SYNDIG1: variants seen among roughly 807,000 people sequenced by gnomAD.
The protein encoded by SYNDIG1 is synapse differentiation inducing 1.
Under a neutral mutation model 19.4 loss-of-function variants are expected in SYNDIG1, and 9 were observed. The ratio of observed to expected loss-of-function variants is 0.46; its 90% CI spans 0.28 to 0.81. The LOEUF (loss-of-function observed/expected upper bound fraction) is 0.81. Among genes scored for constraint, SYNDIG1 ranks in the 30% least tolerant of loss-of-function variants. The pLI, the probability that SYNDIG1 is intolerant of heterozygous loss-of-function variation, is 0.12. For synonymous variants in SYNDIG1, 141 were observed against 145.9 expected (o/e 0.97, Z 0.24); for missense variants, 311 against 343.3 (o/e 0.91, Z 0.74).
intron 1 of SYNDIG1, among the ~76,000 whole-genome samples, chr20:24,484,146 G>A (rs1017223948): frequency 4.6e-5 from 7 of 152,082 alleles, no homozygotes; most frequent in Admixed American, 2.0e-4. Context: ...GCTACCTACT[G>A]CTGCCCAGAT....
chr20:24,497,467 C>A (rs532359105), intron 1 of SYNDIG1, among the ~76,000 whole-genome samples: 1 of 152,342 alleles, frequency 6.6e-6, no homozygotes, highest in African/African-American at 2.4e-5. Flanking sequence ...TCCCAAAGGG[C>A]TGGGATTACA....
chr20:24,547,972 A>G (rs921186491), intron 2 of SYNDIG1, among the ~76,000 whole-genome samples: 5 of 152,176 alleles, frequency 3.3e-5, no homozygotes, highest in Non-Finnish European at 5.9e-5. Flanking sequence ...GACGGTCACC[A>G]CCTAGAAGCG....
rs932274311 is a variant in SYNDIG1 at position 24,665,499 on chromosome 20, C to A, written c.772C>A (p.Leu258Met). Residue 258 changes from leucine (L) to methionine (M), a missense_variant, in exon 4 of 4, where the codon CTG becomes ATG. By Grantham distance (15) the Leu-to-Met change is conservative. Transcript: ENST00000376862. ...LIAYLSKNNH[L>M] Reference sequence around the variant, plus strand: ...CGCCTACCTCTCCAAGAACAACCACCTGTGAGCTTCCTGCGAATGGAGGGG... The same window carrying A: ...CGCCTACCTCTCCAAGAACAACCACATGTGAGCTTCCTGCGAATGGAGGGG... 9 of 1,613,938 alleles carry A rather than the reference C, an allele frequency of 5.6e-6. No homozygotes were observed. In the East Asian group the frequency reaches 8.9e-5, roughly 16 times the overall value.
At chr20:24,568,452 G>A (rs895093615) in intron 2 of SYNDIG1, among the ~76,000 whole-genome samples, 5 of 152,122 alleles carry the variant, frequency 3.3e-5, no homozygotes, top group African/African-American at 7.2e-5. Context: ...TGGTGACCTC[G>A]GGAGGCGTCT....
At chr20:24,501,792 G>A (rs2056460250) in intron 1 of SYNDIG1, among the ~76,000 whole-genome samples, 1 of 152,222 alleles carries the variant, frequency 6.6e-6, no homozygotes, top group Admixed American at 6.5e-5. Flanking sequence ...ACCCACTTGT[G>A]GTGTCTCATC....
At chr20:24,608,968 C>T (rs2036821902) in intron 3 of SYNDIG1, among the ~76,000 whole-genome samples, 1 of 152,188 alleles carries the variant, frequency 6.6e-6, no homozygotes, top group African/African-American at 2.4e-5. Flanking sequence ...GCCAAACCTA[C>T]AGATTTAAAT....
intron 2 of SYNDIG1, among the ~76,000 whole-genome samples, chr20:24,580,555 A>G (rs2058305240): frequency 1.3e-5 from 2 of 152,180 alleles, no homozygotes; most frequent in South Asian, 2.1e-4. Context: ...GACTACAGGC[A>G]TGCACCACGA....
chr20:24,521,807 G>A (rs1454322323), intron 1 of SYNDIG1, among the ~76,000 whole-genome samples: 1 of 151,662 alleles, frequency 6.6e-6, no homozygotes, highest in East Asian at 2.0e-4. Context: ...GGCTGACGCA[G>A]GAGAATCGCT....
intron 1 of SYNDIG1, among the ~76,000 whole-genome samples, chr20:24,514,013 C>G (rs1280475072): frequency 6.6e-6 from 1 of 152,180 alleles, no homozygotes; most frequent in African/African-American, 2.4e-5. Context: ...AATTTCATAT[C>G]CAGCCAAACT....
At chr20:24,504,106 C>A (rs1265629058) in intron 1 of SYNDIG1, among the ~76,000 whole-genome samples, 9 of 152,092 alleles carry the variant, frequency 5.9e-5, no homozygotes. Flanking sequence ...ACTACAGGCA[C>A]CTGCCACCAC....
intron 2 of SYNDIG1, 95 bp from the exon 3 acceptor site, chr20:24,584,761 C>T (rs1040182951): frequency 1.6e-5 from 25 of 1,562,872 alleles, no homozygotes; most frequent in Admixed American, 7.1e-5. Context: ...GGAGGGCCTG[C>T]GCCAGCCAGG....
chr20:24,486,445 A>G (rs1393417296), intron 1 of SYNDIG1, among the ~76,000 whole-genome samples: 1 of 152,216 alleles, frequency 6.6e-6, no homozygotes, highest in Admixed American at 6.5e-5. Flanking sequence ...TAATGTGAAG[A>G]CCAAAAATTG....
intron 1 of SYNDIG1, among the ~76,000 whole-genome samples, chr20:24,511,807 G>A (rs533514931): frequency 7.2e-5 from 11 of 152,176 alleles, no homozygotes; most frequent in Admixed American, 3.3e-4. Flanking sequence ...CTGGCACCAG[G>A]TTTAAAACCA....
chr20:24,656,360 G>A (rs913664615), intron 3 of SYNDIG1, among the ~76,000 whole-genome samples: 8 of 152,224 alleles, frequency 5.3e-5, no homozygotes, highest in Admixed American at 1.3e-4. Context: ...GATTCTAGCC[G>A]TAATTCTGAT....
intron 2 of SYNDIG1, among the ~76,000 whole-genome samples, chr20:24,564,368 T>C (rs2058001996): frequency 6.6e-6 from 1 of 152,330 alleles, no homozygotes; most frequent in African/African-American, 2.4e-5. Context: ...AACCAATATC[T>C]TTCTTCCTTT....
intron 2 of SYNDIG1, among the ~76,000 whole-genome samples, chr20:24,564,970 T>C (rs908925107): frequency 6.6e-6 from 1 of 152,216 alleles, no homozygotes; most frequent in African/African-American, 2.4e-5. Context: ...ACTGTGTTAA[T>C]GAAAACAGCC....
At chr20:24,485,518 G>A (rs73341672) in intron 1 of SYNDIG1, among the ~76,000 whole-genome samples, 2,645 of 152,332 alleles carry the variant, frequency 0.017, 81 homozygotes, top group African/African-American at 0.061. Context: ...TGTAGATCTA[G>A]TGACTTCTCC....
At chr20:24,642,435 C>A (rs553703159) in intron 3 of SYNDIG1, among the ~76,000 whole-genome samples, 4 of 152,144 alleles carry the variant, frequency 2.6e-5, no homozygotes, top group Non-Finnish European at 5.9e-5. Context: ...TAGGAAGTCA[C>A]CGCACAGCCC....
At chr20:24,511,937 A>G (rs1224652807) in intron 1 of SYNDIG1, among the ~76,000 whole-genome samples, 2 of 151,554 alleles carry the variant, frequency 1.3e-5, no homozygotes, top group African/African-American at 2.4e-5. Flanking sequence ...CACCTGTAAT[A>G]TTATTTTGAC....
Sources: gnomAD v4.1 joint callset for allele counts (sites outside exome capture counted in the v4.1 genomes callset) on GRCh38, gnomAD v4.1.1 for gene constraint, MANE v1.5 for transcripts, NCBI Gene and HGNC (gene_info 2026-07-23, HGNC 2026-07-21) for gene names.